Variants in MAP3K13 observed in about 807,000 individuals in gnomAD.
MAP3K13 encodes the protein leucine zipper-bearing kinase.
A neutral mutation model predicts 104.0 loss-of-function variants in MAP3K13; 52 were observed. The ratio of observed to expected loss-of-function variants is 0.50; its 90% CI spans 0.40 to 0.63. The LOEUF is 0.63. MAP3K13 is among the 20% of genes least tolerant of loss of function. The pLI is 0.00. For synonymous variants in MAP3K13, 394 were observed against 442.2 expected, an observed-to-expected ratio of 0.89 and a Z score of 1.37; for missense variants, 914 against 1,218.5, an observed-to-expected ratio of 0.75 and a Z score of 3.72.
In MAP3K13 at chr3:185,313,706, T is replaced by C. The variant is rs544690788; in HGVS notation, c.-86+28063T>C. Among the ~76,000 whole-genome samples the C allele has an allele frequency of 1.5e-3, 230 of 148,992 alleles. 3 individuals are homozygous for C. Among genetic ancestry groups the C allele is most frequent in the Non-Finnish European group, 1.8e-3 (121 of 67,398 alleles). ...AGTAAAAATTTTGTAAAATACCTGA[T>C]ACAGACATGAAAAACATGAAGTAGT... On this transcript the variant is annotated intron_variant, in intron 2 of 14. Coordinates refer to the MAP3K13 transcript ENST00000424227.
At chr3:185,350,070 C>T (rs1161551114) in intron 2 of MAP3K13, among the ~76,000 whole-genome samples, 1 of 152,216 alleles carries the variant, frequency 6.6e-6, no homozygotes, top group Non-Finnish European at 1.5e-5. Context: ...AAATATATTT[C>T]CAGACCCTAG....
At chr3:185,300,840 A>G (rs1721081031) in intron 2 of MAP3K13, among the ~76,000 whole-genome samples, 2 of 151,960 alleles carry the variant, frequency 1.3e-5, no homozygotes, top group Admixed American at 1.3e-4. Context: ...AATATACCAA[A>G]TTTTCTTTAT....
chr3:185,442,652 G>C (rs1204346763), intron 3 of MAP3K13, among the ~76,000 whole-genome samples: 1 of 150,282 alleles, frequency 6.7e-6, no homozygotes, highest in Non-Finnish European at 1.5e-5. Flanking sequence ...TCTTGCCTCA[G>C]CCTCCCGAGT....
intron 7 of MAP3K13, among the ~76,000 whole-genome samples, chr3:185,460,582 C>T (rs184567954): frequency 6.6e-6 from 1 of 152,276 alleles, no homozygotes; most frequent in East Asian, 1.9e-4. Context: ...TTCATATGTG[C>T]CCAGACATGG....
chr3:185,446,256 T>TC lies in MAP3K13; in HGVS notation c.852-1532dup, dbSNP rs879376841. Among the ~76,000 whole-genome samples the TC allele has an allele frequency of 7.6e-3, 1,141 of 151,034 alleles. 10 individuals are homozygous for TC. Among genetic ancestry groups the TC allele is most frequent in the Middle Eastern group, 0.014 (4 of 292 alleles). On this transcript the variant is annotated intron_variant, in intron 4 of 13. Coordinates refer to ENST00000265026, the MANE Select transcript of MAP3K13 (RefSeq NM_004721.5). ...TACTATTTGAGGATGAAGCCTCTTA[T>TC]CATTTTTTTTTTTTTTTGAGATGGG...
At chr3:185,390,887 C>T (rs1179042221) in intron 1 of MAP3K13, among the ~76,000 whole-genome samples, 2 of 152,098 alleles carry the variant, frequency 1.3e-5, no homozygotes, top group Non-Finnish European at 2.9e-5. Flanking sequence ...TCACAAAGTG[C>T]TGGGATTACA....
intron 11 of MAP3K13, among the ~76,000 whole-genome samples, chr3:185,476,325 C>T (rs957503674): frequency 7.4e-6 from 1 of 134,458 alleles, no homozygotes; most frequent in African/African-American, 2.9e-5. Context: ...TCTCAGCAGT[C>T]AGGATAACTT....
At chr3:185,308,009 C>CTTTTTTT (rs33949195) in intron 2 of MAP3K13, among the ~76,000 whole-genome samples, 2 of 31,574 alleles carry the variant, frequency 6.3e-5, no homozygotes, top group African/African-American at 1.2e-4. Flanking sequence ...TCTTTGGGGT[C>CTTTTTTT]TTTTTTTTTT....
intron 1 of MAP3K13, among the ~76,000 whole-genome samples, chr3:185,377,038 G>A (rs1724461856): frequency 1.3e-5 from 2 of 152,104 alleles, no homozygotes; most frequent in Admixed American, 6.5e-5. Flanking sequence ...TAGAATACTG[G>A]GTTGTGGAGA....
At chr3:185,379,585 G>A (rs760578984) in intron 1 of MAP3K13, among the ~76,000 whole-genome samples, 15 of 152,248 alleles carry the variant, frequency 9.9e-5, no homozygotes, top group Middle Eastern at 3.4e-3. Context: ...CCACTGACCC[G>A]GGTCTTTGGC....
At position 185,328,977 on chromosome 3, in the gene MAP3K13, T is replaced by A. The variant is rs535898196; in HGVS notation, c.-86+43334T>A. On this transcript the variant is annotated intron_variant, in intron 2 of 14. Transcript: ENST00000424227. ...TTCAGCTTGGTGTAAGTAGTTTTTT[T>A]TAAAAAAAACTATTATGACATTTTC... 4.7e-4 allele frequency: 205 copies of A among 439,240 alleles called. 4 individuals are homozygous for A. In the South Asian group the frequency reaches 5.2e-3, roughly 11 times the overall value. The allele number at this position is 439,240 out of a possible 1,614,324, so 27.2% of individuals were successfully genotyped here. A position where few individuals can be genotyped will look rare whatever the true frequency, so the allele number is the denominator to read the frequency against.
chr3:185,469,899 A>G (rs149722444), intron 10 of MAP3K13, among the ~76,000 whole-genome samples: 1 of 152,350 alleles, frequency 6.6e-6, no homozygotes, highest in Non-Finnish European at 1.5e-5. Flanking sequence ...CTAATGAGCT[A>G]TGAGAGCATC....
At chr3:185,451,482 G>A (rs1715879786) in intron 7 of MAP3K13, 87 bp downstream of exon 7, 1 of 846,824 alleles carries the variant, frequency 1.2e-6, no homozygotes, top group Non-Finnish European at 2.0e-6. Context: ...GGCCCATTGT[G>A]TTTGTTATAA....
intron 5 of MAP3K13, among the ~76,000 whole-genome samples, chr3:185,448,348 C>G (rs1715704463): frequency 6.6e-6 from 1 of 152,078 alleles, no homozygotes; most frequent in African/African-American, 2.4e-5. Flanking sequence ...CAATAATGTA[C>G]CTTGCTATGA....
At chr3:185,358,370 C>T (rs1723467709), upstream of MAP3K13, among the ~76,000 whole-genome samples, 1 of 152,136 alleles carries the variant, frequency 6.6e-6, no homozygotes, top group African/African-American at 2.4e-5. Flanking sequence ...GAATTCCTTA[C>T]ATGGGAGATA....
chr3:185,292,042 T>C, intron 2 of MAP3K13: 8 of 981,004 alleles, frequency 8.2e-6, no homozygotes, highest in Non-Finnish European at 9.7e-6. Flanking sequence ...CGGTGGCTCA[T>C]GCCTGTAATC....
chr3:185,409,332 C>T (rs985464337), intron 1 of MAP3K13, among the ~76,000 whole-genome samples: 2 of 152,340 alleles, frequency 1.3e-5, no homozygotes, highest in South Asian at 4.1e-4. Flanking sequence ...CACACCACTG[C>T]ACTCCAGCCT....
At position 185,482,300 on chromosome 3, in the gene MAP3K13, A is replaced by G; in HGVS notation, c.2800-55A>G. On this transcript the variant is annotated intron_variant, in intron 13 of 13. Transcript: ENST00000265026. This position sits in a 1 kb window ranked among gnomAD's most constrained non-coding sequence, Gnocchi z 4.5. The stretch of plus-strand genomic sequence containing the variant: ...GCCTGTTGTGTGGGAGGTGTTTGAC[A>G]TATATTTACTGAGTGATTATCGAAA... 1.6e-6 allele frequency: 2 copies of G among 1,284,886 alleles called. No homozygotes were observed. The highest frequency in any genetic ancestry group is 1.5e-5 in the African/African-American group (1 of 68,798). The allele number at this position is 1,284,886 out of a possible 1,614,324, so 79.6% of individuals were successfully genotyped here.
At chr3:185,347,652 T>C (rs996396311) in intron 2 of MAP3K13, among the ~76,000 whole-genome samples, 23 of 152,206 alleles carry the variant, frequency 1.5e-4, no homozygotes, top group African/African-American at 5.1e-4. Flanking sequence ...CCAGGCATTT[T>C]GAGGGAACAA....
Sources: allele counts gnomAD v4.1 joint callset (sites outside exome capture counted in the v4.1 genomes callset), GRCh38; gene constraint gnomAD v4.1.1; non-coding constraint Gnocchi (gnomAD v3.1); transcripts MANE v1.5; gene names NCBI Gene and HGNC (gene_info 2026-07-23, HGNC 2026-07-21).